SENP1: variants seen among roughly 807,000 people sequenced by gnomAD.
SENP1 encodes sentrin-specific protease 1.
A neutral mutation model predicts 93.0 loss-of-function variants in SENP1; 21 were observed. The observed-to-expected ratio is 0.23, with a 90% CI of 0.16 to 0.33. The LOEUF is 0.33. Among genes scored for constraint, SENP1 ranks in the 10% least tolerant of loss-of-function variants. The pLI is 1.00. For missense variants in SENP1, 591 were observed against 758.7 expected (o/e 0.78, Z 2.60); for synonymous variants, 256 against 259.6 (o/e 0.99, Z 0.13).
At chr12:48,060,693 T>A (rs1286382678) in intron 13 of SENP1, among the ~76,000 whole-genome samples, 1 of 152,168 alleles carries the variant, frequency 6.6e-6, no homozygotes, top group Non-Finnish European at 1.5e-5. Context: ...CAAGCAATCC[T>A]TACACCTCAG....
At chr12:48,073,643 A>G (rs758608573) in intron 8 of SENP1, among the ~76,000 whole-genome samples, 1 of 152,230 alleles carries the variant, frequency 6.6e-6, no homozygotes, top group Non-Finnish European at 1.5e-5. Flanking sequence ...AAGAGAGTGA[A>G]TATTTCAGTT....
chr12:48,055,223 C>A (rs1942139461), intron 13 of SENP1: 2 of 179,930 alleles, frequency 1.1e-5, no homozygotes, highest in Non-Finnish European at 1.2e-5. Flanking sequence ...TGTATCATAT[C>A]ACGACACTTT....
rs537097277 is a variant in SENP1, at chr12:48,104,193, A to C, written c.-45+1835T>G. ...GCCATTGCACTCCAGCCTGGGTGAC[A>C]GAGCGAGACTCTGTCTAAAAAAAGA... On this transcript the variant is annotated intron_variant, in intron 1 of 17. Coordinates refer to ENST00000549518, the MANE Select transcript of SENP1 (RefSeq NM_001267594.2). Among the ~76,000 whole-genome samples the C allele has an allele frequency of 8.0e-3, 1,130 of 141,076 alleles. 29 individuals are homozygous for C. Among genetic ancestry groups the C allele is most frequent in the African/African-American group, 0.028 (1,073 of 37,886 alleles). 92.6% of individuals were successfully genotyped at this position (141,076 alleles called of 152,430 possible).
At chr12:48,082,871 T>C (rs74329984) in intron 6 of SENP1, among the ~76,000 whole-genome samples, 2,972 of 152,310 alleles carry the variant, frequency 0.02, 71 homozygotes, top group African/African-American at 0.048. Context: ...AGAAAAATTG[T>C]TCCTGGTAAG....
At chr12:48,090,183 T>C (rs969627897) in intron 4 of SENP1, among the ~76,000 whole-genome samples, 2 of 152,226 alleles carry the variant, frequency 1.3e-5, no homozygotes, top group Non-Finnish European at 2.9e-5. Flanking sequence ...TACTATAATT[T>C]TGAGGATAGA....
intron 13 of SENP1, among the ~76,000 whole-genome samples, chr12:48,057,398 T>A (rs1942621891): frequency 6.8e-6 from 1 of 147,368 alleles, no homozygotes; most frequent in Non-Finnish European, 1.5e-5. Context: ...CCTGGCTAAT[T>A]TTTGTATTTT....
intron 4 of SENP1, among the ~76,000 whole-genome samples, chr12:48,091,569 G>GT (rs1945227751): frequency 6.6e-6 from 1 of 152,058 alleles, no homozygotes; most frequent in South Asian, 2.1e-4. Context: ...TACCTACCAA[G>GT]TATCATTCTG....
chr12:48,103,837 G>A (rs537439340), intron 1 of SENP1, among the ~76,000 whole-genome samples: 12 of 152,214 alleles, frequency 7.9e-5, no homozygotes, highest in African/African-American at 1.4e-4. Context: ...TGACAACTGC[G>A]GTGAAACACT....
intron 11 of SENP1, 39 bp from the exon 12 acceptor site, chr12:48,065,259 T>C: frequency 6.8e-7 from 1 of 1,467,800 alleles, no homozygotes; most frequent in Non-Finnish European, 9.3e-7. Context: ...GATAAAGAAA[T>C]CTGTGGATGT....
chr12:48,047,491 C>T (rs183681869), intron 15 of SENP1, among the ~76,000 whole-genome samples: 81 of 152,306 alleles, frequency 5.3e-4, no homozygotes, highest in Admixed American at 2.2e-3. Context: ...AAATCCAAAT[C>T]AACAATGTAT....
intron 1 of SENP1, among the ~76,000 whole-genome samples, chr12:48,103,644 T>G (rs949303045): frequency 6.8e-6 from 1 of 146,870 alleles, no homozygotes; most frequent in African/African-American, 2.6e-5. Flanking sequence ...GCCACCAAAT[T>G]CAAGCAACTG....
At chr12:48,053,937 C>T (rs1162344699) in intron 13 of SENP1, among the ~76,000 whole-genome samples, 2 of 152,050 alleles carry the variant, frequency 1.3e-5, no homozygotes, top group Non-Finnish European at 2.9e-5. Context: ...AGAACCCATC[C>T]CCCAAAAAAG....
At chr12:48,082,814 A>C (rs1353489747) in intron 6 of SENP1, among the ~76,000 whole-genome samples, 1 of 152,216 alleles carries the variant, frequency 6.6e-6, no homozygotes, top group East Asian at 1.9e-4. Flanking sequence ...TCATAATGAA[A>C]GGATGTATAT....
At chr12:48,094,536 C>T (rs569630085) in intron 4 of SENP1, among the ~76,000 whole-genome samples, 25 of 152,076 alleles carry the variant, frequency 1.6e-4, no homozygotes, top group South Asian at 2.1e-4. Context: ...AAAAATTAGC[C>T]GGGCATGGTG....
chr12:48,105,947 C>T (rs924040372), intron 1 of SENP1, 81 bp downstream of exon 1: 1 of 691,800 alleles, frequency 1.4e-6, no homozygotes, highest in African/African-American at 1.8e-5. Context: ...CAGCCCGGGC[C>T]GGCTGACCGG....
intron 13 of SENP1, among the ~76,000 whole-genome samples, chr12:48,050,700 G>A (rs1432806075): frequency 6.6e-6 from 1 of 152,166 alleles, no homozygotes; most frequent in African/African-American, 2.4e-5. Flanking sequence ...CTGCCTCTAG[G>A]TTTCCGAAGG....
chr12:48,103,590 AC>A (rs1299597283), intron 1 of SENP1, among the ~76,000 whole-genome samples: 1 of 152,310 alleles, frequency 6.6e-6, no homozygotes, highest in African/African-American at 2.4e-5. Flanking sequence ...GGAATATTTT[AC>A]CCCAAGATTC....
At chr12:48,105,966 C>T in intron 1 of SENP1, 62 bp downstream of exon 1, 1 of 698,208 alleles carries the variant, frequency 1.4e-6, no homozygotes, top group Non-Finnish European at 2.6e-6. Flanking sequence ...GGGTCCGACA[C>T]AGTCTCCTGG....
At chr12:48,092,981 T>C (rs1408867953) in intron 4 of SENP1, among the ~76,000 whole-genome samples, 3 of 152,138 alleles carry the variant, frequency 2.0e-5, no homozygotes, top group South Asian at 2.1e-4. Context: ...TAAGGGTAAA[T>C]GTGCACCTAA....
Sources: gnomAD v4.1 joint callset for allele counts (sites outside exome capture counted in the v4.1 genomes callset) on GRCh38, gnomAD v4.1.1 for gene constraint, MANE v1.5 for transcripts, NCBI Gene and HGNC (gene_info 2026-07-23, HGNC 2026-07-21) for gene names.